Variants in FBN2 observed in about 807,000 individuals in gnomAD.
The protein encoded by FBN2 is fibrillin 2, also known as fibrillin-2.
In FBN2, 105 loss-of-function variants were observed where a neutral mutation model predicts 355.6. The ratio of observed to expected loss-of-function variants is 0.30; its 90% CI spans 0.25 to 0.35. FBN2 has a LOEUF of 0.35. FBN2 is among the 10% of genes least tolerant of loss of function. The probability of loss-of-function intolerance (pLI) is 1.00; values close to 1 mark genes in which losing one functional copy is unlikely to be tolerated. For synonymous variants in FBN2, 1,350 were observed against 1,301.2 expected, an observed-to-expected ratio of 1.04 and a Z score of -0.81; for missense variants, 3,280 against 3,758.7, an observed-to-expected ratio of 0.87 and a Z score of 3.33.
Position 128,309,360 on chromosome 5 carries a change from G to C in FBN2, c.5240C>G (p.Thr1747Ser). Reference sequence around the variant, plus strand: ...GAAAGGCAACTCATTCTCACAAGTGGTTCCATTATAGCTTCGGTAGCAAAA... The same window carrying C: ...GAAAGGCAACTCATTCTCACAAGTGCTTCCATTATAGCTTCGGTAGCAAAA... ...KSFCYRSYNGTTCENELPFNV... is the reference protein window; with the variant it reads ...KSFCYRSYNGSTCENELPFNV... Residue 1747 changes from threonine (T) to serine (S), a missense_variant, in exon 41 of 65, where the codon ACC becomes AGC. Coordinates refer to ENST00000262464, the MANE Select transcript of FBN2 (RefSeq NM_001999.4). 4 of 1,613,934 alleles carry C rather than the reference G, an allele frequency of 2.5e-6. No individual in the cohort carries two copies. Among genetic ancestry groups the C allele is most frequent in the Non-Finnish European group, 3.4e-6 (4 of 1,179,882 alleles).
chr5:128,310,402 A>ATATAT (rs1475271868), intron 39 of FBN2, among the ~76,000 whole-genome samples: 26 of 23,242 alleles, frequency 1.1e-3, no homozygotes, highest in Non-Finnish European at 1.9e-3. Context: ...ATATATATAT[A>ATATAT]TTTTTTTTTT....
intron 7 of FBN2, among the ~76,000 whole-genome samples, chr5:128,442,842 C>G (rs1423135578): frequency 6.6e-6 from 1 of 152,018 alleles, no homozygotes; most frequent in Non-Finnish European, 1.5e-5. Context: ...AGATTTACAG[C>G]TTACCTAGTT....
At chr5:128,332,499 C>T (rs1018862266) in intron 32 of FBN2, among the ~76,000 whole-genome samples, 6 of 152,116 alleles carry the variant, frequency 3.9e-5, no homozygotes, top group African/African-American at 1.2e-4. Flanking sequence ...ATTCTATTTT[C>T]TAATAAGATG....
chr5:128,297,101 T>C (rs1234549087), intron 48 of FBN2, among the ~76,000 whole-genome samples: 5 of 152,178 alleles, frequency 3.3e-5, no homozygotes, highest in Non-Finnish European at 5.9e-5. Context: ...ATGTACCCAG[T>C]AGTCATTCAG....
At chr5:128,531,113 C>T (rs1003734680) in intron 2 of FBN2, among the ~76,000 whole-genome samples, 4 of 151,896 alleles carry the variant, frequency 2.6e-5, no homozygotes, top group African/African-American at 9.7e-5. Flanking sequence ...AACCCAAATG[C>T]CCTTCAATCA....
At chr5:128,318,033 C>T in intron 36 of FBN2, 116 bp downstream of exon 36, 1 of 1,087,612 alleles carries the variant, frequency 9.2e-7, no homozygotes, top group Non-Finnish European at 1.4e-6. Context: ...AAGGCGACCA[C>T]ATAATGTTTT....
In FBN2 at chr5:128,393,324, T is replaced by G. The variant is rs1261607352; in HGVS notation, c.1276A>C (p.Ile426Leu). Residue 426 changes from isoleucine to leucine, a missense_variant, in exon 10 of 65, where the codon ATT (isoleucine) becomes CTT (leucine). Physicochemically the swap from Ile to Leu is conservative, Grantham distance 5 (BLOSUM62 2). Transcript: ENST00000262464. ...GGTCTGGAACCAGCACTCCCTGGAA[T>G]TCCTCCCATTGGAAGTCCATCCATG... ...LCMDGLPMGGIPGSAGSRPGG... is the reference protein window; with the variant it reads ...LCMDGLPMGGLPGSAGSRPGG... 1.2e-6 allele frequency: 2 copies of G among 1,614,164 alleles called. No homozygotes were observed. The highest frequency in any genetic ancestry group is 3.3e-5 in the Admixed American group (2 of 60,014).
chr5:128,324,236 C>A (rs1750476193), intron 34 of FBN2, among the ~76,000 whole-genome samples: 1 of 152,120 alleles, frequency 6.6e-6, no homozygotes, highest in South Asian at 2.1e-4. Context: ...TTTCAGAAAA[C>A]CAGCTCCTGG....
In FBN2 at chr5:128,272,134, C is replaced by T; in HGVS notation, c.7841-16G>A. On this transcript the variant is annotated splice_polypyrimidine_tract_variant and intron_variant, in intron 61 of 64. Coordinates refer to ENST00000262464, the MANE Select transcript of FBN2 (RefSeq NM_001999.4). Reference sequence around the variant, plus strand: ...TCATCAACATCTGCAAAAACAAGCCCGGCAAAACCTTTATGTCACCTTTCT... The same window carrying T: ...TCATCAACATCTGCAAAAACAAGCCTGGCAAAACCTTTATGTCACCTTTCT... The T allele has an allele frequency of 1.9e-6, 3 of 1,613,782 alleles. No individual in the cohort carries two copies. Among genetic ancestry groups the T allele is most frequent in the East Asian group, 2.2e-5 (1 of 44,836 alleles).
intron 27 of FBN2, among the ~76,000 whole-genome samples, 178 bp from the exon 28 acceptor site, chr5:128,336,291 A>G (rs778277934): frequency 2.0e-5 from 3 of 152,150 alleles, no homozygotes; most frequent in Non-Finnish European, 4.4e-5. Context: ...CTACAACAAT[A>G]CTGTTGAGTA....
rs1375781219 is a variant in FBN2 at position 128,309,345 on chromosome 5, T to A, written c.5255A>T (p.Glu1752Val). 6.2e-7 allele frequency: 1 copy of A among 1,613,934 alleles called. No homozygotes were observed. ...RSYNGTTCEN[E>V]LPFNVTKRMC... ...CCTTTTTGTCACATTGAAAGGCAAC[T>A]CATTCTCACAAGTGGTTCCATTATA... The change falls in exon 41 of 65, where the codon GAG becomes GTG. Residue 1752 changes from glutamate to valine, a missense_variant. Glu to Val is a moderately radical substitution (Grantham distance 121). Transcript: ENST00000262464.
chr5:128,331,080 T>C (rs1750678521), intron 32 of FBN2, among the ~76,000 whole-genome samples: 1 of 152,240 alleles, frequency 6.6e-6, no homozygotes, highest in Non-Finnish European at 1.5e-5. Context: ...TTTTTAAGTT[T>C]ATTTAATAGA....
chr5:128,305,182 G>T, intron 44 of FBN2, 100 bp from the exon 45 acceptor site: 1 of 1,047,566 alleles, frequency 9.5e-7, no homozygotes, highest in South Asian at 1.4e-5. Flanking sequence ...AATTATTATA[G>T]GCAGGCTGAA....
intron 5 of FBN2, among the ~76,000 whole-genome samples, chr5:128,470,567 C>A (rs1275450563): frequency 6.6e-6 from 1 of 152,042 alleles, no homozygotes; most frequent in Non-Finnish European, 1.5e-5. Context: ...GGGAAAAAAA[C>A]AGAATGGCAA....
At chr5:128,310,680 C>G (rs755978238) in intron 39 of FBN2, among the ~76,000 whole-genome samples, 1 of 152,006 alleles carries the variant, frequency 6.6e-6, no homozygotes, top group African/African-American at 2.4e-5. Context: ...GAAATAATTA[C>G]GCTACATGTT....
At chr5:128,300,680 C>G (rs1581199747) in intron 48 of FBN2, 137 bp downstream of exon 48, 1 of 871,798 alleles carries the variant, frequency 1.1e-6, no homozygotes, top group Admixed American at 1.8e-5. Flanking sequence ...TTCAGTAAAA[C>G]AGATGTAGGC....
chr5:128,525,778 G>A (rs1756544810), intron 4 of FBN2, among the ~76,000 whole-genome samples: 1 of 152,140 alleles, frequency 6.6e-6, no homozygotes, highest in African/African-American at 2.4e-5. Flanking sequence ...CTTCCCATGA[G>A]CTAAGAGGAA....
chr5:128,322,146 T>C (rs1750393882), intron 34 of FBN2, among the ~76,000 whole-genome samples: 1 of 152,182 alleles, frequency 6.6e-6, no homozygotes, highest in South Asian at 2.1e-4. Flanking sequence ...TTGTTTTTTT[T>C]CTTGTAAATT....
chr5:128,493,429 G>A (rs1046384775), intron 5 of FBN2, among the ~76,000 whole-genome samples: 1 of 152,138 alleles, frequency 6.6e-6, no homozygotes, highest in African/African-American at 2.4e-5. Context: ...CAGTTATCGA[G>A]CACTCAGTGT....
Sources: allele counts gnomAD v4.1 joint callset (sites outside exome capture counted in the v4.1 genomes callset), GRCh38; gene constraint gnomAD v4.1.1; transcripts MANE v1.5; gene names NCBI Gene and HGNC (gene_info 2026-07-23, HGNC 2026-07-21).